Variants in GPR155 observed in about 807,000 individuals in gnomAD.
GPR155 encodes the protein G protein-coupled receptor 155.
Under a neutral mutation model 93.1 loss-of-function variants are expected in GPR155, and 65 were observed. The ratio of observed to expected loss-of-function variants is 0.70; its 90% CI spans 0.57 to 0.86. The LOEUF (loss-of-function observed/expected upper bound fraction) is 0.86, where lower values mean the gene tolerates loss of function less well. Among genes scored for constraint, GPR155 ranks in the 40% least tolerant of loss-of-function variants. GPR155 has a pLI of 0.00. For missense variants in GPR155, 838 were observed against 1,034.8 expected (o/e 0.81, Z 2.61); for synonymous variants, 319 against 360.1 (o/e 0.89, Z 1.29).
intron 7 of GPR155, among the ~76,000 whole-genome samples, chr2:174,461,978 C>G (rs1368801774): frequency 6.6e-6 from 1 of 152,116 alleles, no homozygotes; most frequent in Non-Finnish European, 1.5e-5. Context: ...CTCTGTTGCC[C>G]AGGCTGGAGT....
intron 13 of GPR155, among the ~76,000 whole-genome samples, chr2:174,442,858 G>A (rs16862579): frequency 2.0e-5 from 3 of 152,134 alleles, no homozygotes; most frequent in African/African-American, 7.2e-5. Flanking sequence ...AGAAGGGAAT[G>A]AGCTTACCAT....
intron 7 of GPR155, among the ~76,000 whole-genome samples, chr2:174,462,229 C>T (rs567570997): frequency 1.2e-4 from 18 of 152,024 alleles, no homozygotes; most frequent in Non-Finnish European, 1.5e-4. Context: ...TGAGCCACTG[C>T]GTCTGGAGAA....
chr2:174,460,673 T>C (rs1248606777), intron 9 of GPR155, among the ~76,000 whole-genome samples: 2 of 152,220 alleles, frequency 1.3e-5, no homozygotes, highest in African/African-American at 4.8e-5. Flanking sequence ...ACAAGGAATC[T>C]AAATGATTTC....
rs1687080588 is a variant in GPR155, at chr2:174,445,122, C to T, written c.2068G>A (p.Val690Ile). Residue 690 changes from valine to isoleucine, a missense_variant, in exon 13 of 16, where the codon GTT becomes ATT. This residue lies in a region of GPR155 where 29 missense variants were observed against 67.1 expected (regional missense o/e 0.43). Coordinates refer to ENST00000392552, the MANE Select transcript of GPR155 (RefSeq NM_152529.7). ...ACGGCACAGAAAAACTGTAACTCAA[C>T]ATAAAGTCTTCCAGGCTCTTGGTTG... is the stretch of plus-strand genomic sequence containing the variant. ...LFNQEPGRLY[V>I]ELQFFCAVFN... 6.2e-7 allele frequency: 1 copy of T among 1,603,396 alleles called. No homozygotes were observed. The highest frequency in any genetic ancestry group is 8.5e-7 in the Non-Finnish European group (1 of 1,170,372).
Position 174,433,050 on chromosome 2 carries a change from A to T in GPR155, c.*3066T>A. The T allele has an allele frequency of 6.6e-6, 1 of 151,906 alleles. No homozygotes were observed. Among genetic ancestry groups the T allele is most frequent in the East Asian group, 1.9e-4 (1 of 5,196 alleles). The allele number at this position is 151,906 out of a possible 1,614,324, so 9.4% of individuals were successfully genotyped here. A position where few individuals can be genotyped will look rare whatever the true frequency, so the allele number is the denominator to read the frequency against. The stretch of plus-strand genomic sequence containing the variant: ...AGTGCTGGGATTGCAGGTATGAACC[A>T]CCGCGCCTGGCCCCCATGCAGGTTT... On this transcript the variant is annotated 3_prime_UTR_variant, in exon 16 of 16. Coordinates refer to ENST00000392552, the MANE Select transcript of GPR155 (RefSeq NM_152529.7).
At position 174,481,590 on chromosome 2, in the gene GPR155, A is replaced by AT; in HGVS notation, c.366dup (p.Leu123IlefsTer6). The AT allele has an allele frequency of 6.2e-7, 1 of 1,613,704 alleles. No homozygotes were observed. Among genetic ancestry groups the AT allele is most frequent in the Non-Finnish European group, 8.5e-7 (1 of 1,179,732 alleles). On this transcript the variant is annotated frameshift_variant, in exon 2 of 16. Transcript: ENST00000392552. LOFTEE classifies it high-confidence loss of function. ...AATCGACTATCAGGACTGGCAACCA[A>AT]TAAGGTTAATACACATACAATGAAA...
intron 10 of GPR155, among the ~76,000 whole-genome samples, chr2:174,456,981 A>G (rs545320335): frequency 1.4e-4 from 21 of 152,316 alleles, no homozygotes; most frequent in African/African-American, 5.1e-4. Flanking sequence ...ATTCTAACAA[A>G]CATTCTGACT....
chr2:174,447,427 T>C (rs2105681365), intron 11 of GPR155, among the ~76,000 whole-genome samples: 1 of 146,410 alleles, frequency 6.8e-6, no homozygotes, highest in Admixed American at 6.9e-5. Context: ...ATATAAATAA[T>C]ATATACACAT....
At position 174,481,725 on chromosome 2, in the gene GPR155, A is replaced by G. The variant is rs1357254561; in HGVS notation, c.232T>C (p.Ser78Pro). The G allele has an allele frequency of 6.2e-7, 1 of 1,614,078 alleles. No individual in the cohort carries two copies. Among genetic ancestry groups the G allele is most frequent in the Non-Finnish European group, 8.5e-7 (1 of 1,179,936 alleles). ...AATAAAGCTGGAAGTGCAAATCTGG[A>G]GACAAAATTTCCTAGTCCTTTGGCC... ...TQAKGLGNFV[S>P]RFALPALLFK... Residue 78 changes from serine (S) to proline (P), a missense_variant, in exon 2 of 16, where the codon TCC becomes CCC. Ser to Pro is a moderately conservative substitution (Grantham distance 74, BLOSUM62 -1). Around this residue, in one of 3 missense-constraint regions of GPR155, gnomAD observed 663 missense variants for 790.1 expected, o/e 0.84. Coordinates refer to ENST00000392552, the MANE Select transcript of GPR155 (RefSeq NM_152529.7).
intron 2 of GPR155, among the ~76,000 whole-genome samples, chr2:174,474,604 T>C (rs1378173707): frequency 6.6e-6 from 1 of 151,510 alleles, no homozygotes; most frequent in Non-Finnish European, 1.5e-5. Flanking sequence ...AATCTGGCTG[T>C]GTTAGACTTA....
chr2:174,481,200 A>T (rs1688309357), intron 2 of GPR155, among the ~76,000 whole-genome samples: 2 of 152,358 alleles, frequency 1.3e-5, no homozygotes, highest in South Asian at 4.1e-4. Flanking sequence ...ACATAATTTA[A>T]ATCACAATTG....
rs1194126480 is a variant in GPR155, at chr2:174,433,417, G to T, written c.*2699C>A. 6.6e-6 allele frequency: 1 copy of T among 152,122 alleles called. No homozygotes were observed. The highest frequency in any genetic ancestry group is 1.5e-5 in the Non-Finnish European group (1 of 68,024). The allele number at this position is 152,122 out of a possible 1,614,324, so 9.4% of individuals were successfully genotyped here. On this transcript the variant is annotated 3_prime_UTR_variant, in exon 16 of 16. Coordinates refer to ENST00000392552, the MANE Select transcript of GPR155 (RefSeq NM_152529.7). Reference sequence around the variant, plus strand: ...CTCCATGAGGATAGGAATCATATTTGTTCCAACTGTTGTGTGCTCAGTGTT... The same window carrying T: ...CTCCATGAGGATAGGAATCATATTTTTTCCAACTGTTGTGTGCTCAGTGTT...
At chr2:174,456,688 G>A (rs1420721841) in intron 10 of GPR155, among the ~76,000 whole-genome samples, 2 of 152,048 alleles carry the variant, frequency 1.3e-5, no homozygotes, top group Non-Finnish European at 2.9e-5. Context: ...GTTTCTAATA[G>A]CAAAATATTT....
At chr2:174,441,596 C>T (rs750641439) in intron 14 of GPR155, among the ~76,000 whole-genome samples, 5 of 152,046 alleles carry the variant, frequency 3.3e-5, no homozygotes, top group Admixed American at 1.3e-4. Flanking sequence ...CCCTACCCCA[C>T]GACAGGCCCC....
At chr2:174,475,188 G>C (rs1688123952) in intron 2 of GPR155, among the ~76,000 whole-genome samples, 2 of 146,792 alleles carry the variant, frequency 1.4e-5, no homozygotes, top group Non-Finnish European at 3.0e-5. Context: ...CCAGCTACTT[G>C]GGAGGCTGAG....
At position 174,436,182 on chromosome 2, in the gene GPR155, A is replaced by T; in HGVS notation, c.2547T>A (p.Thr849=). The part of the protein sequence containing the change: ...EQSPPAINAN[T]LQQERYKEIE... ...TTTCTTTATATCTTTCCTGTTGGAG[A>T]GTGTTTGCATTAATAGCAGGAGGAC... Residue 849 remains threonine (T), a synonymous_variant, in exon 16 of 16, where the codon ACT becomes ACA. Coordinates refer to ENST00000392552, the MANE Select transcript of GPR155 (RefSeq NM_152529.7). 6.2e-7 allele frequency: 1 copy of T among 1,613,896 alleles called. No homozygotes were observed. The highest frequency in any genetic ancestry group is 8.5e-7 in the Non-Finnish European group (1 of 1,179,842).
rs35253539 is a variant in GPR155, at chr2:174,434,793, C to CTTTTT, written c.*1318_*1322dup. On this transcript the variant is annotated 3_prime_UTR_variant, in exon 16 of 16. Coordinates refer to ENST00000392552, the MANE Select transcript of GPR155 (RefSeq NM_152529.7). Reference sequence around the variant, plus strand: ...GGTATTCTTTTTTCTTTTTCTTTTTCTTTTTTTTTTTTTTTAGTACAGACC... The same window carrying CTTTTT: ...GGTATTCTTTTTTCTTTTTCTTTTTCTTTTTTTTTTTTTTTTTTTTAGTACAGACC... 1 of 141,224 alleles carries CTTTTT rather than the reference C, an allele frequency of 7.1e-6. No individual in the cohort carries two copies. The highest frequency in any genetic ancestry group is 7.1e-5 in the Admixed American group (1 of 14,134). The allele number at this position is 141,224 out of a possible 1,614,324, so 8.7% of individuals were successfully genotyped here. A position where few individuals can be genotyped will look rare whatever the true frequency, so the allele number is the denominator to read the frequency against.
chr2:174,438,611 G>A (rs899001942), intron 15 of GPR155, among the ~76,000 whole-genome samples: 1 of 152,122 alleles, frequency 6.6e-6, no homozygotes, highest in African/African-American at 2.4e-5. Flanking sequence ...GGGTTCAAGC[G>A]ATTCTTGTGC....
intron 7 of GPR155, among the ~76,000 whole-genome samples, chr2:174,465,013 G>A (rs377701386): frequency 4.2e-4 from 64 of 152,214 alleles, no homozygotes; most frequent in Middle Eastern, 6.8e-3. Flanking sequence ...CAAATTTGTA[G>A]GATGAATACA....
Sources: gnomAD v4.1 joint callset for allele counts (sites outside exome capture counted in the v4.1 genomes callset) on GRCh38, gnomAD v4.1.1 for gene constraint, gnomAD v4.1.1 regional missense constraint, MANE v1.5 for transcripts, NCBI Gene and HGNC (gene_info 2026-07-23, HGNC 2026-07-21) for gene names.